Variants in BPIFB4 observed in about 807,000 individuals in gnomAD.
BPIFB4 encodes BPI fold containing family B member 4, also known as BPI fold-containing family B member 4.
BPIFB4 carries 62 observed loss-of-function variants against 69.2 expected under a neutral mutation model. That is an observed-to-expected ratio of 0.90 (90% CI 0.73 to 1.11). BPIFB4 has a LOEUF of 1.11. Among genes scored for constraint, BPIFB4 ranks in the 50% least tolerant of loss-of-function variants. The probability of loss-of-function intolerance (pLI) is 0.00; values close to 1 mark genes in which losing one functional copy is unlikely to be tolerated. For missense variants in BPIFB4, 789 were observed against 792.0 expected, an observed-to-expected ratio of 1.00 and a Z score of 0.04; for synonymous variants, 330 against 332.7, an observed-to-expected ratio of 0.99 and a Z score of 0.09.
At chr20:33,105,546 G>T (rs1387045783) in intron 16 of BPIFB4, among the ~76,000 whole-genome samples, 1 of 152,172 alleles carries the variant, frequency 6.6e-6, no homozygotes, top group Non-Finnish European at 1.5e-5. Context: ...AACTATGGGG[G>T]TCATTGGCTA....
At position 33,106,376 on chromosome 20, in the gene BPIFB4, C is replaced by CT. The variant is rs71190890; in HGVS notation, c.1745-1354dup. Among the ~76,000 whole-genome samples, 1,162 of 133,020 alleles carry CT rather than the reference C, an allele frequency of 8.7e-3. 27 individuals are homozygous for CT. Among genetic ancestry groups the CT allele is most frequent in the African/African-American group, 0.028 (998 of 36,174 alleles). 87.3% of individuals were successfully genotyped at this position (133,020 alleles called of 152,430 possible). ...TGCTGGGGACACAGCTCTTTTCTTTCTTTTTTTTTTTTTTGAGATGGAGTC... is the reference window on the plus strand; with the variant it reads ...TGCTGGGGACACAGCTCTTTTCTTTCTTTTTTTTTTTTTTTGAGATGGAGTC... On this transcript the variant is annotated intron_variant, in intron 16 of 17. Coordinates refer to ENST00000375483, the MANE Select transcript of BPIFB4 (RefSeq NM_182519.3).
intron 17 of BPIFB4, among the ~76,000 whole-genome samples, chr20:33,108,272 G>C (rs1490401259): frequency 6.6e-6 from 1 of 151,924 alleles, no homozygotes. Context: ...AAATATTCCC[G>C]AAGTAATTGG....
chr20:33,091,510 T>C (rs1981599031), intron 10 of BPIFB4, among the ~76,000 whole-genome samples: 1 of 152,258 alleles, frequency 6.6e-6, no homozygotes, highest in African/African-American at 2.4e-5. Flanking sequence ...CACAGATGAC[T>C]CCACACTTGC....
chr20:33,104,778 G>A, intron 15 of BPIFB4, 32 bp from the exon 16 acceptor site: 1 of 1,610,560 alleles, frequency 6.2e-7, no homozygotes, highest in Non-Finnish European at 8.5e-7. Flanking sequence ...CAAACCCCCT[G>A]CCCAGGCTCT....
intron 3 of BPIFB4, among the ~76,000 whole-genome samples, chr20:33,081,847 C>T (rs1981240614): frequency 6.6e-6 from 1 of 152,216 alleles, no homozygotes; most frequent in Non-Finnish European, 1.5e-5. Context: ...ACTTTATGCT[C>T]ATTCTTTAGA....
At chr20:33,107,662 C>G in intron 16 of BPIFB4, 82 bp from the exon 17 acceptor site, 3 of 1,072,744 alleles carry the variant, frequency 2.8e-6, no homozygotes, top group Non-Finnish European at 4.3e-6. Flanking sequence ...AATTGCCAAT[C>G]TTCTTACAAA....
In BPIFB4 at chr20:33,111,452, G is replaced by A; in HGVS notation, c.*15G>A. On this transcript the variant is annotated 3_prime_UTR_variant, in exon 18 of 18. Coordinates refer to ENST00000375483, the MANE Select transcript of BPIFB4 (RefSeq NM_182519.3). ...TGAGCGCATGAGTGACAGAGGCAGA[G>A]ATGCTGCTGCAACTGGAAGAAGCTG... 1 of 1,614,044 alleles carries A rather than the reference G, an allele frequency of 6.2e-7. No individual in the cohort carries two copies. Among genetic ancestry groups the A allele is most frequent in the South Asian group, 1.1e-5 (1 of 91,072 alleles).
intron 17 of BPIFB4, among the ~76,000 whole-genome samples, 189 bp downstream of exon 17, chr20:33,108,009 C>T (rs1332934331): frequency 1.3e-5 from 2 of 152,190 alleles, no homozygotes; most frequent in Non-Finnish European, 2.9e-5. Flanking sequence ...TCCTTGAAGA[C>T]ACTCTCCCAT....
chr20:33,107,582 G>A (rs932002945), intron 16 of BPIFB4, among the ~76,000 whole-genome samples, 162 bp from the exon 17 acceptor site: 1 of 152,214 alleles, frequency 6.6e-6, no homozygotes, highest in Non-Finnish European at 1.5e-5. Context: ...GTTGCAATGA[G>A]CCGAGATTGT....
intron 11 of BPIFB4, 38 bp downstream of exon 11, chr20:33,092,696 G>A (rs1385310102): frequency 6.4e-7 from 1 of 1,553,282 alleles, no homozygotes; most frequent in Non-Finnish European, 8.8e-7. Context: ...TGGCTGGGCA[G>A]CAGACAGCTG....
At chr20:33,108,419 A>G (rs1307859057) in intron 17 of BPIFB4, among the ~76,000 whole-genome samples, 1 of 139,796 alleles carries the variant, frequency 7.2e-6, no homozygotes, top group African/African-American at 2.7e-5. Context: ...CCATATATAT[A>G]TGTCTATATA....
chr20:33,095,271 C>A (rs1981725517), intron 12 of BPIFB4, 118 bp downstream of exon 12: 1 of 1,087,454 alleles, frequency 9.2e-7, no homozygotes, highest in Non-Finnish European at 1.4e-6. Context: ...CGAACCCCTG[C>A]TTGGGAGTGC....
Position 33,083,871 on chromosome 20 carries a change from C to T in BPIFB4, c.674C>T (p.Thr225Met), listed in dbSNP as rs200122108. ...GGILSTVQGITGLRIVELTLP... is the reference protein window; with the variant it reads ...GGILSTVQGIMGLRIVELTLP... ...ATCCTCAGCACTGTGCAAGGCATCA[C>T]GGGGTAAGGAGGGGACGGGTTCTCC... The change falls in exon 5 of 18, where the codon ACG becomes ATG. Residue 225 changes from threonine (T) to methionine (M), a missense_variant. Coordinates refer to ENST00000375483, the MANE Select transcript of BPIFB4 (RefSeq NM_182519.3). 44 of 1,603,702 alleles carry T rather than the reference C, an allele frequency of 2.7e-5. No individual in the cohort carries two copies. The Admixed American group carries it at 4.2e-4, about 15-fold the overall frequency.
chr20:33,092,697 C>T, intron 11 of BPIFB4, 39 bp downstream of exon 11: 3 of 1,554,602 alleles, frequency 1.9e-6, no homozygotes, highest in Non-Finnish European at 2.6e-6. Context: ...GGCTGGGCAG[C>T]AGACAGCTGC....
chr20:33,085,135 A>G, intron 6 of BPIFB4, 139 bp downstream of exon 6: 1 of 1,460,300 alleles, frequency 6.8e-7, no homozygotes, highest in Non-Finnish European at 9.1e-7. Context: ...GTCAGCGGTG[A>G]AAACAGCCTA....
At chr20:33,101,686 C>T (rs1488911608) in intron 14 of BPIFB4, among the ~76,000 whole-genome samples, 1 of 152,144 alleles carries the variant, frequency 6.6e-6, no homozygotes, top group South Asian at 2.1e-4. Context: ...GCTGAGATTA[C>T]AGGCATGCAC....
Position 33,094,966 on chromosome 20 carries a change from G to T in BPIFB4, c.1345-134G>T, listed in dbSNP as rs1209423918. 22 of 838,030 alleles carry T rather than the reference G, an allele frequency of 2.6e-5. No individual in the cohort carries two copies. The South Asian group carries it at 3.1e-4, about 12-fold the overall frequency. The allele number at this position is 838,030 out of a possible 1,614,324, so 51.9% of individuals were successfully genotyped here. A position where few individuals can be genotyped will look rare whatever the true frequency, so the allele number is the denominator to read the frequency against. ...CTGGGTAGGCAGGACTTCCCCAGGG[G>T]TCTTTCAGGGAGAGAAGACGAAGAC... On this transcript the variant is annotated intron_variant, in intron 11 of 17. Transcript: ENST00000375483.
chr20:33,095,267 C>T (rs1358629444), intron 12 of BPIFB4, 114 bp downstream of exon 12: 3 of 1,163,066 alleles, frequency 2.6e-6, no homozygotes, highest in East Asian at 2.4e-5. Context: ...CCCCCGAACC[C>T]CTGCTTGGGA....
In BPIFB4 at chr20:33,083,407, A is replaced by C. The variant is rs754358980; in HGVS notation, c.210A>C (p.Gly70=). 5 of 1,609,280 alleles carry C rather than the reference A, an allele frequency of 3.1e-6. No homozygotes were observed. The South Asian group carries it at 5.5e-5, about 18-fold the overall frequency. Residue 70 remains glycine, a synonymous_variant, in exon 5 of 18, where the codon GGA becomes GGC. Transcript: ENST00000375483. The stretch of plus-strand genomic sequence containing the variant: ...CCTACAATGACTTCCATGTCCGAGG[A>C]CCCCCCCCAGTATATACCAACGGCA... ...DIPYNDFHVR[G]PPPVYTNGKK...
Sources: allele counts gnomAD v4.1 joint callset (sites outside exome capture counted in the v4.1 genomes callset), GRCh38; gene constraint gnomAD v4.1.1; transcripts MANE v1.5; gene names NCBI Gene and HGNC (gene_info 2026-07-23, HGNC 2026-07-21).